The following CSTPP1 variants were observed in gnomAD, a reference collection of about 807,000 sequenced individuals.
CSTPP1 encodes UPF0705 protein C11orf49.
At chr11:47,082,720 T>A in the CSTPP1 span, among the ~76,000 whole-genome samples, 1 of 151,864 alleles carries the variant, frequency 6.6e-6, no homozygotes, top group African/African-American at 2.4e-5. Flanking sequence ...CTCCCCTTTT[T>A]CCCCACCCAC....
the CSTPP1 span, among the ~76,000 whole-genome samples, chr11:47,080,317 T>C: frequency 1.3e-5 from 2 of 151,608 alleles, no homozygotes; most frequent in Non-Finnish European, 2.9e-5. Flanking sequence ...TAGCCAGGGG[T>C]GGTGGCACGC....
the CSTPP1 span, chr11:47,159,535 C>T: frequency 2.4e-5 from 10 of 420,838 alleles, no homozygotes; most frequent in Middle Eastern, 3.4e-4. Flanking sequence ...CAAAAACAGG[C>T]GAGAGTCAGG....
chr11:47,115,302 G>A, the CSTPP1 span, among the ~76,000 whole-genome samples: 2 of 152,018 alleles, frequency 1.3e-5, no homozygotes, highest in African/African-American at 4.8e-5. Flanking sequence ...TTTTTTTGTT[G>A]TGTCTCTGCC....
chr11:47,110,766 T>TC, the CSTPP1 span, among the ~76,000 whole-genome samples: 2 of 152,056 alleles, frequency 1.3e-5, no homozygotes, highest in African/African-American at 4.8e-5. Flanking sequence ...TGCCTCCAGT[T>TC]CCCAAAAAGA....
At chr11:47,024,155 G>A in the CSTPP1 span, among the ~76,000 whole-genome samples, 7 of 151,884 alleles carry the variant, frequency 4.6e-5, no homozygotes, top group African/African-American at 1.7e-4. Context: ...GACCTCTTGG[G>A]CTCAAGAGAT....
chr11:46,979,185 G>A, the CSTPP1 span, among the ~76,000 whole-genome samples: 1 of 151,980 alleles, frequency 6.6e-6, no homozygotes, highest in East Asian at 1.9e-4. Flanking sequence ...TGGGCTCAAG[G>A]GATCATCCTG....
chr11:47,056,221 G>GA, the CSTPP1 span, among the ~76,000 whole-genome samples: 3 of 152,120 alleles, frequency 2.0e-5, no homozygotes, highest in African/African-American at 7.2e-5. Context: ...ATATTTGGTT[G>GA]AAAAAAATCC....
At chr11:46,987,548 T>A in the CSTPP1 span, 3 of 440,130 alleles carry the variant, frequency 6.8e-6, no homozygotes, top group Non-Finnish European at 1.2e-5. Context: ...AACTGCTTGT[T>A]TGATCTATTA....
the CSTPP1 span, among the ~76,000 whole-genome samples, chr11:47,118,167 C>T: frequency 1.3e-5 from 2 of 151,994 alleles, no homozygotes; most frequent in Admixed American, 6.6e-5. Context: ...TGTGAGCCAC[C>T]GCGCCTGGCC....
chr11:47,046,354 ATAAAAATCAGTTGTT>A, the CSTPP1 span, among the ~76,000 whole-genome samples: 1 of 151,924 alleles, frequency 6.6e-6, no homozygotes, highest in Non-Finnish European at 1.5e-5. Context: ...AGAGCAACAC[ATAAAAATCAGTTGTT>A]TCTATATACC....
the CSTPP1 span, among the ~76,000 whole-genome samples, chr11:47,044,239 G>A: frequency 3.3e-5 from 5 of 151,932 alleles, no homozygotes; most frequent in Admixed American, 1.3e-4. Flanking sequence ...CACCCGCCTC[G>A]ACCTCCCAAA....
At chr11:47,164,074 T>C in the CSTPP1 span, 1 of 1,595,668 alleles carries the variant, frequency 6.3e-7, no homozygotes, top group African/African-American at 1.3e-5. Flanking sequence ...ATGCCAGCTC[T>C]TTCCTCTGCG....
chr11:47,086,550 GGGGAA>G, the CSTPP1 span, among the ~76,000 whole-genome samples: 2 of 152,110 alleles, frequency 1.3e-5, no homozygotes, highest in Non-Finnish European at 1.5e-5. Flanking sequence ...AGATAATAAA[GGGGAA>G]GGGAAGGGAC....
chr11:47,053,966 A>C, the CSTPP1 span, among the ~76,000 whole-genome samples: 2 of 151,652 alleles, frequency 1.3e-5, no homozygotes, highest in African/African-American at 4.9e-5. Flanking sequence ...ACAAACAAAA[A>C]AGTTAAATTT....
the CSTPP1 span, among the ~76,000 whole-genome samples, chr11:47,031,766 G>C: frequency 2.0e-5 from 3 of 150,838 alleles, no homozygotes. Flanking sequence ...ATTGTATTAG[G>C]GTTCTCTAGA....
the CSTPP1 span, among the ~76,000 whole-genome samples, chr11:47,098,069 G>C: frequency 1.2e-5 from 1 of 83,722 alleles, no homozygotes; most frequent in East Asian, 2.8e-4. Flanking sequence ...GATTAAGGGC[G>C]GTGCAAGATG....
the CSTPP1 span, among the ~76,000 whole-genome samples, chr11:47,056,445 C>G: frequency 6.6e-6 from 1 of 152,176 alleles, no homozygotes; most frequent in African/African-American, 2.4e-5. Context: ...AGCATTTGGA[C>G]TCTTAGCAGA....
chr11:46,974,761 G>A, the CSTPP1 span, among the ~76,000 whole-genome samples: 1 of 151,452 alleles, frequency 6.6e-6, no homozygotes, highest in African/African-American at 2.4e-5. Flanking sequence ...AGGCTGAGGT[G>A]GGAGGCTCGC....
chr11:46,966,770 G>T, the CSTPP1 span, among the ~76,000 whole-genome samples: 2 of 152,216 alleles, frequency 1.3e-5, no homozygotes, highest in South Asian at 4.1e-4. Flanking sequence ...CAAGGGGTAA[G>T]ATTTAATGAA....
Sources: gnomAD v4.1 joint callset for allele counts (sites outside exome capture counted in the v4.1 genomes callset) on GRCh38, gnomAD v4.1.1 for gene constraint, MANE v1.5 for transcripts, NCBI Gene and HGNC (gene_info 2026-07-23, HGNC 2026-07-21) for gene names.